Variants in USP48 observed in about 807,000 individuals in gnomAD.
The protein encoded by USP48 is ubiquitin carboxyl-terminal hydrolase 48.
USP48 carries 43 observed loss-of-function variants against 150.7 expected under a neutral mutation model. That is an observed-to-expected ratio of 0.29 (90% CI 0.22 to 0.37). The LOEUF (loss-of-function observed/expected upper bound fraction) is 0.37. Among genes scored for constraint, USP48 ranks in the 10% least tolerant of loss-of-function variants. The probability of loss-of-function intolerance (pLI) is 1.00; values close to 1 mark genes in which losing one functional copy is unlikely to be tolerated. For synonymous variants in USP48, 396 were observed against 425.9 expected (o/e 0.93, Z 0.86); for missense variants, 813 against 1,249.6 (o/e 0.65, Z 5.27).
At chr1:21,727,791 G>T in intron 11 of USP48, 1 of 834,132 alleles carries the variant, frequency 1.2e-6, no homozygotes, top group Non-Finnish European at 1.4e-6. Flanking sequence ...TTTACATTTT[G>T]CTTAAAGTTA....
At chr1:21,774,498 C>A (rs1359896842) in intron 1 of USP48, among the ~76,000 whole-genome samples, 1 of 151,680 alleles carries the variant, frequency 6.6e-6, no homozygotes, top group Non-Finnish European at 1.5e-5. Flanking sequence ...ACCATCCTAG[C>A]CAACACAGTG....
intron 9 of USP48, among the ~76,000 whole-genome samples, chr1:21,735,344 T>C (rs1571907834): frequency 6.7e-6 from 1 of 150,026 alleles, no homozygotes; most frequent in East Asian, 2.0e-4. Context: ...TCATGCCTTG[T>C]AATCCCAACA....
rs2097657193 is a variant in USP48 at position 21,701,609 on chromosome 1, G to A, written c.2623-7C>T. The A allele has an allele frequency of 6.2e-7, 1 of 1,612,958 alleles. No individual in the cohort carries two copies. The highest frequency in any genetic ancestry group is 8.5e-7 in the Non-Finnish European group (1 of 1,179,156). ...GAGCCGAATCCTTCATCACCTGAAT[G>A]TGCCAGGACAACAAAGAGAAGTAGG... On this transcript the variant is annotated splice_region_variant and splice_polypyrimidine_tract_variant and intron_variant, in intron 21 of 26. Transcript: ENST00000308271.
chr1:21,723,886 A>T lies in USP48; in HGVS notation c.1648+12T>A. On this transcript the variant is annotated intron_variant, in intron 12 of 26. Coordinates refer to ENST00000308271, the MANE Select transcript of USP48 (RefSeq NM_032236.8). ...CTGCTCTTTTTTAAACAGAGAGGAC[A>T]TCTTGAATTACCAGTTAGTCTTGGA... 1.2e-6 allele frequency: 2 copies of T among 1,607,574 alleles called. No homozygotes were observed.
intron 3 of USP48, among the ~76,000 whole-genome samples, chr1:21,753,352 G>A (rs2152589281): frequency 6.6e-6 from 1 of 151,782 alleles, no homozygotes; most frequent in East Asian, 1.9e-4. Flanking sequence ...AGAAGCTTGA[G>A]ACAAGCCTGG....
At chr1:21,696,369 C>A (rs567438390) in intron 22 of USP48, among the ~76,000 whole-genome samples, 1 of 152,152 alleles carries the variant, frequency 6.6e-6, no homozygotes. Context: ...ACCTGGGAGG[C>A]GGAGGCTGCG....
chr1:21,728,719 G>A lies in USP48; in HGVS notation c.1301C>T (p.Ala434Val). 4 of 1,613,524 alleles carry A rather than the reference G, an allele frequency of 2.5e-6. No homozygotes were observed. The highest frequency in any genetic ancestry group is 3.4e-6 in the Non-Finnish European group (4 of 1,179,860). The stretch of plus-strand genomic sequence containing the variant: ...CCGATCTACCAGCTCTTGAAGAAAG[G>A]CTATTCAAAACAGAAAGACAAAAAA... ...EKPNTTVQVP[A>V]FLQELVDRDN... is the part of the protein sequence containing the mutation. The change falls in exon 11 of 27, where the codon GCC becomes GTC. Residue 434 changes from alanine (A) to valine (V), a missense_variant and splice_region_variant. Coordinates refer to ENST00000308271, the MANE Select transcript of USP48 (RefSeq NM_032236.8).
At chr1:21,774,485 G>A (rs1052619758) in intron 1 of USP48, among the ~76,000 whole-genome samples, 8 of 151,498 alleles carry the variant, frequency 5.3e-5, no homozygotes, top group African/African-American at 7.3e-5. Flanking sequence ...TCAGGAGATC[G>A]AGACCATCCT....
intron 20 of USP48, 41 bp from the exon 21 acceptor site, chr1:21,703,659 G>T: frequency 7.2e-7 from 1 of 1,396,130 alleles, no homozygotes; most frequent in Non-Finnish European, 9.9e-7. Context: ...AAGTGGCTGA[G>T]GAATCATTGT....
At chr1:21,713,273 A>T (rs565167593) in intron 15 of USP48, among the ~76,000 whole-genome samples, 2 of 151,890 alleles carry the variant, frequency 1.3e-5, no homozygotes, top group African/African-American at 2.4e-5. Context: ...ACCCCTGGCT[A>T]ATTTCTTGAT....
intron 24 of USP48, among the ~76,000 whole-genome samples, chr1:21,689,376 T>C (rs1273728907): frequency 1.3e-5 from 2 of 150,908 alleles, no homozygotes; most frequent in Admixed American, 6.6e-5. Context: ...CACAGAAACT[T>C]TGTGACCTGA....
chr1:21,706,643 TC>T (rs1408257767), intron 16 of USP48, 54 bp from the exon 17 acceptor site: 1 of 1,613,258 alleles, frequency 6.2e-7, no homozygotes, highest in African/African-American at 1.3e-5. Flanking sequence ...ATGACCTGCC[TC>T]CTCCCTACAC....
chr1:21,685,246 T>C (rs1373719213), intron 25 of USP48, among the ~76,000 whole-genome samples: 1 of 152,194 alleles, frequency 6.6e-6, no homozygotes, highest in Admixed American at 6.5e-5. Flanking sequence ...TGTAGAGGTC[T>C]TTCACCTTCT....
intron 22 of USP48, among the ~76,000 whole-genome samples, chr1:21,695,589 A>G (rs1449312767): frequency 6.6e-6 from 1 of 152,182 alleles, no homozygotes; most frequent in Non-Finnish European, 1.5e-5. Flanking sequence ...ATGAGCCTGT[A>G]GTCCCAGCTA....
intron 8 of USP48, among the ~76,000 whole-genome samples, chr1:21,738,447 C>A (rs568330797): frequency 6.7e-6 from 1 of 148,760 alleles, no homozygotes; most frequent in East Asian, 2.0e-4. Flanking sequence ...CCTCCGCCCC[C>A]CTGGGGTCAT....
chr1:21,741,785 G>A (rs1201619164), intron 8 of USP48, among the ~76,000 whole-genome samples: 1 of 152,092 alleles, frequency 6.6e-6, no homozygotes, highest in Non-Finnish European at 1.5e-5. Flanking sequence ...AAACCAGCCT[G>A]GGCAACACAG....
At chr1:21,691,037 G>A (rs573467784) in intron 23 of USP48, among the ~76,000 whole-genome samples, 16 of 152,196 alleles carry the variant, frequency 1.1e-4, no homozygotes, top group African/African-American at 3.6e-4. Flanking sequence ...AAATACAGCC[G>A]GGTGCAGTGG....
chr1:21,720,638 C>T (rs188785537), intron 14 of USP48, among the ~76,000 whole-genome samples: 159 of 152,108 alleles, frequency 1.0e-3, no homozygotes, highest in African/African-American at 3.5e-3. Flanking sequence ...ATCGATTCTA[C>T]TGCCTCAGCC....
chr1:21,768,355 C>A, intron 1 of USP48: 1 of 156,348 alleles, frequency 6.4e-6, no homozygotes, highest in South Asian at 1.9e-4. Flanking sequence ...GAAAGGATGT[C>A]ACAACCGCAA....
Sources: gnomAD v4.1 joint callset for allele counts (sites outside exome capture counted in the v4.1 genomes callset) on GRCh38, gnomAD v4.1.1 for gene constraint, MANE v1.5 for transcripts, NCBI Gene and HGNC (gene_info 2026-07-23, HGNC 2026-07-21) for gene names.